USB1: variants seen among roughly 807,000 people sequenced by gnomAD.
USB1 encodes the protein U6 snRNA biogenesis phosphodiesterase 1, also known as U6 snRNA phosphodiesterase 1.
A neutral mutation model predicts 29.9 loss-of-function variants in USB1; 21 were observed. The observed-to-expected ratio is 0.70, with a 90% CI of 0.50 to 1.01. The LOEUF is 1.01. USB1 is among the 50% of genes least tolerant of loss of function. The pLI is 0.00. For missense variants in USB1, 330 were observed against 347.1 expected (o/e 0.95, Z 0.39); for synonymous variants, 143 against 134.9 (o/e 1.06, Z -0.42).
rs1394559581 is a variant in USB1 at position 58,021,397 on chromosome 16, C to T, written c.*1152C>T. 6.6e-6 allele frequency: 1 copy of T among 152,282 alleles called. No homozygotes were observed. The highest frequency in any genetic ancestry group is 1.5e-5 in the Non-Finnish European group (1 of 68,060). 9.4% of individuals were successfully genotyped at this position (152,282 alleles called of 1,614,324 possible). ...AGGGGCCTTCCACAGCCCGGGTTCT[C>T]CTGCTGCCTCCTGCCTGCTGCAGCT... is the stretch of plus-strand genomic sequence containing the variant. On this transcript the variant is annotated 3_prime_UTR_variant, in exon 7 of 7. Coordinates refer to ENST00000219281, the MANE Select transcript of USB1 (RefSeq NM_024598.4).
Position 58,020,622 on chromosome 16 carries a change from CTCT to C in USB1, c.*378_*380del, listed in dbSNP as rs1168945413. ...TACCCCTCCTGTCTCTCCTCCCCTC[CTCT>C]CTCTTCCTCTCCTCTCTCTCTTCCT... is the stretch of plus-strand genomic sequence containing the variant. On this transcript the variant is annotated 3_prime_UTR_variant, in exon 7 of 7. Coordinates refer to ENST00000219281, the MANE Select transcript of USB1 (RefSeq NM_024598.4). The C allele has an allele frequency of 9.6e-6, 3 of 312,172 alleles. No homozygotes were observed. Among genetic ancestry groups the C allele is most frequent in the African/African-American group, 7.5e-5 (3 of 40,002 alleles). The allele number at this position is 312,172 out of a possible 1,614,324, so 19.3% of individuals were successfully genotyped here. A position where few individuals can be genotyped will look rare whatever the true frequency, so the allele number is the denominator to read the frequency against.
rs1450650204 is a variant in USB1, at chr16:58,010,115, G to A, written c.449+3G>A. ...GCCCGTATGACCTCCTTCCACAGGT[G>A]AGTGCTTCTTCCCTCTGCCTCTCCA... On this transcript the variant is annotated splice_donor_region_variant and intron_variant, in intron 3 of 6. Coordinates refer to ENST00000219281, the MANE Select transcript of USB1 (RefSeq NM_024598.4). 7.4e-6 allele frequency: 12 copies of A among 1,613,834 alleles called. No individual in the cohort carries two copies. Among genetic ancestry groups the A allele is most frequent in the African/African-American group, 4.0e-5 (3 of 74,868 alleles).
upstream of USB1, among the ~76,000 whole-genome samples, chr16:58,000,662 C>A (rs1442244867): frequency 6.9e-6 from 1 of 143,988 alleles, no homozygotes; most frequent in African/African-American, 2.5e-5. This position sits in a 1 kb window ranked among gnomAD's most constrained non-coding sequence, Gnocchi z 4.5. Flanking sequence ...GATGGCCTTG[C>A]GGAGACGGGC....
intron 4 of USB1, chr16:58,015,831 G>A (rs1963602770): frequency 6.6e-6 from 1 of 152,206 alleles, no homozygotes; most frequent in Admixed American, 6.5e-5. Flanking sequence ...ATTTCAGCAT[G>A]TTTGAGGAGG....
At chr16:58,004,455 T>C (rs1261194237) in intron 2 of USB1, among the ~76,000 whole-genome samples, 2 of 151,968 alleles carry the variant, frequency 1.3e-5, no homozygotes, top group Non-Finnish European at 2.9e-5. Context: ...CTTTTTTTGG[T>C]TTTTTTTAGA....
chr16:58,014,001 C>G, intron 3 of USB1: 1 of 430,766 alleles, frequency 2.3e-6, no homozygotes, highest in Non-Finnish European at 4.2e-6. Flanking sequence ...TTGAGATAGT[C>G]TCAAATTGTT....
At chr16:58,017,914 A>T (rs970127077) in intron 5 of USB1, among the ~76,000 whole-genome samples, 3 of 152,200 alleles carry the variant, frequency 2.0e-5, no homozygotes, top group African/African-American at 7.2e-5. Context: ...TGAGGGAGAT[A>T]AGTATGAATT....
At chr16:58,014,588 G>C (rs796796034) in intron 4 of USB1, among the ~76,000 whole-genome samples, 4 of 152,296 alleles carry the variant, frequency 2.6e-5, no homozygotes, top group East Asian at 3.9e-4. Flanking sequence ...TTCCAGACCA[G>C]CCTGGGCAAC....
intron 5 of USB1, 124 bp from the exon 6 acceptor site, chr16:58,018,848 G>A (rs1597055815): frequency 2.2e-6 from 2 of 903,440 alleles, no homozygotes; most frequent in Non-Finnish European, 3.6e-6. Flanking sequence ...TGAGTATCTT[G>A]TCTCCCACTG....
At chr16:58,016,750 AG>A (rs1160995922) in intron 4 of USB1, 2 of 178,760 alleles carry the variant, frequency 1.1e-5, no homozygotes, top group Admixed American at 5.4e-5. Context: ...GGTAACGTGG[AG>A]GTTGTTGGCA....
chr16:58,005,324 G>A (rs554990762), intron 2 of USB1, among the ~76,000 whole-genome samples: 4 of 152,184 alleles, frequency 2.6e-5, no homozygotes, highest in South Asian at 4.1e-4. Context: ...TCCCTTTCCC[G>A]GTCTGCTAAG....
At chr16:58,014,115 T>C in intron 3 of USB1, 158 bp from the exon 4 acceptor site, 1 of 647,626 alleles carries the variant, frequency 1.5e-6, no homozygotes, top group Non-Finnish European at 2.8e-6. Context: ...CCAGCTCTAA[T>C]GTTTAAGGTT....
rs1177130024 is a variant in USB1 at position 58,002,475 on chromosome 16, G to C, written c.99-4G>C. 2.5e-6 allele frequency: 4 copies of C among 1,613,240 alleles called. No homozygotes were observed. The highest frequency in any genetic ancestry group is 2.5e-6 in the Non-Finnish European group (3 of 1,179,940). ...GTACTCATTTTTCTTTTTTTCTTTT[G>C]CAGTGGCCAGAGCCCCCTTCCCAGG... On this transcript the variant is annotated splice_region_variant and splice_polypyrimidine_tract_variant and intron_variant, in intron 1 of 6. Coordinates refer to ENST00000219281, the MANE Select transcript of USB1 (RefSeq NM_024598.4).
At chr16:58,018,284 T>C (rs1963663652) in intron 5 of USB1, among the ~76,000 whole-genome samples, 1 of 149,680 alleles carries the variant, frequency 6.7e-6, no homozygotes, top group East Asian at 2.0e-4. Context: ...TGGAGTGCAG[T>C]GGCGCAATCT....
upstream of USB1, chr16:58,001,405 G>T: frequency 6.6e-7 from 1 of 1,520,238 alleles, no homozygotes; most frequent in African/African-American, 1.4e-5. Flanking sequence ...CCCTGGGAGG[G>T]CGCTTCCGGC....
intron 3 of USB1, chr16:58,012,846 A>C (rs1369417168): frequency 1.7e-5 from 17 of 989,804 alleles, no homozygotes; most frequent in African/African-American, 3.5e-5. Context: ...CCCTGCATAC[A>C]GTGGTTCCTT....
chr16:58,010,155 TG>T (rs1048359418), intron 3 of USB1, 43 bp downstream of exon 3: 1 of 1,611,116 alleles, frequency 6.2e-7, no homozygotes, highest in African/African-American at 1.3e-5. Context: ...CTCCCCTCCA[TG>T]GCTTCTCCTC....
chr16:58,000,681 G>A (rs1359337798), upstream of USB1, among the ~76,000 whole-genome samples: 5 of 149,844 alleles, frequency 3.3e-5, no homozygotes, highest in African/African-American at 1.2e-4. The surrounding 1 kb of genome is among the most constrained non-coding windows in gnomAD (Gnocchi z 4.5). Flanking sequence ...GCGGACGGGC[G>A]GGCGGCGCGG....
intron 4 of USB1, among the ~76,000 whole-genome samples, chr16:58,014,678 G>A (rs896413799): frequency 9.8e-5 from 15 of 152,314 alleles, no homozygotes; most frequent in Middle Eastern, 3.4e-3. Context: ...AGCTACTTGG[G>A]AGGCTGAGAT....
Sources: gnomAD v4.1 joint callset for allele counts (sites outside exome capture counted in the v4.1 genomes callset) on GRCh38, gnomAD v4.1.1 for gene constraint, Gnocchi (gnomAD v3.1) non-coding constraint, MANE v1.5 for transcripts, NCBI Gene and HGNC (gene_info 2026-07-23, HGNC 2026-07-21) for gene names.